SLC24A2: variants seen among roughly 807,000 people sequenced by gnomAD.
SLC24A2 encodes solute carrier family 24 member 2, also known as sodium/potassium/calcium exchanger 2.
A neutral mutation model predicts 62.0 loss-of-function variants in SLC24A2; 36 were observed. The ratio of observed to expected loss-of-function variants is 0.58; its 90% confidence interval spans 0.44 to 0.77. The LOEUF (loss-of-function observed/expected upper bound fraction) is 0.77, where lower values mean the gene tolerates loss of function less well. Ranked by LOEUF, SLC24A2 falls within the 30% of genes least tolerant of loss-of-function variation. The pLI is 0.00. For synonymous variants in SLC24A2, 358 were observed against 294.0 expected (o/e 1.22, Z -2.23); for missense variants, 846 against 817.9 (o/e 1.03, Z -0.42).
At chr9:20,290,434 C>A in the SLC24A2 span, among the ~76,000 whole-genome samples, 2 of 152,270 alleles carry the variant, frequency 1.3e-5, no homozygotes, top group Non-Finnish European at 2.9e-5. Context: ...CCCTCCCTTG[C>A]CCCTCTTCAG....
intron 5 of SLC24A2, among the ~76,000 whole-genome samples, chr9:19,586,224 T>G (rs1325322867): frequency 2.0e-5 from 3 of 152,122 alleles, no homozygotes; most frequent in African/African-American, 7.2e-5. Flanking sequence ...GCCTCAGAAG[T>G]GTTTCACTGA....
At chr9:19,774,089 T>A (rs970867897) in intron 2 of SLC24A2, among the ~76,000 whole-genome samples, 1 of 151,810 alleles carries the variant, frequency 6.6e-6, no homozygotes, top group South Asian at 2.1e-4. Flanking sequence ...GAAATGGCAA[T>A]AGGAAAACAC....
At chr9:19,635,275 C>T (rs143428357) in intron 2 of SLC24A2, among the ~76,000 whole-genome samples, 1 of 152,180 alleles carries the variant, frequency 6.6e-6, no homozygotes, top group Non-Finnish European at 1.5e-5. Flanking sequence ...GGAAAAATGA[C>T]ATGAGAAATA....
the SLC24A2 span, among the ~76,000 whole-genome samples, chr9:20,261,089 C>T: frequency 1.3e-5 from 2 of 151,892 alleles, no homozygotes; most frequent in South Asian, 2.1e-4. Context: ...CTCTTGACCT[C>T]GTGATCTGCC....
the SLC24A2 span, among the ~76,000 whole-genome samples, chr9:20,269,490 G>A: frequency 0.018 from 2,797 of 152,240 alleles, 36 homozygotes; most frequent in East Asian, 0.036. Context: ...GGCAGGTGGG[G>A]TACAGTAAGA....
At chr9:20,000,406 T>A in the SLC24A2 span, among the ~76,000 whole-genome samples, 1 of 152,104 alleles carries the variant, frequency 6.6e-6, no homozygotes, top group Non-Finnish European at 1.5e-5. Flanking sequence ...CATCAGAGGG[T>A]GAAAACATAC....
At chr9:19,996,803 C>T in the SLC24A2 span, among the ~76,000 whole-genome samples, 1 of 151,606 alleles carries the variant, frequency 6.6e-6, no homozygotes, top group Non-Finnish European at 1.5e-5. Flanking sequence ...CCTTCACACC[C>T]TCCATAACGA....
At chr9:20,221,008 A>G in the SLC24A2 span, among the ~76,000 whole-genome samples, 1 of 152,200 alleles carries the variant, frequency 6.6e-6, no homozygotes, top group Admixed American at 6.5e-5. Flanking sequence ...CTTAACCTAC[A>G]GAGTTTACAA....
At chr9:19,879,170 C>T in the SLC24A2 span, among the ~76,000 whole-genome samples, 20 of 152,032 alleles carry the variant, frequency 1.3e-4, no homozygotes, top group Admixed American at 3.9e-4. Flanking sequence ...AGTAATATCC[C>T]CAGAGAGGTC....
At chr9:19,875,580 A>G in the SLC24A2 span, among the ~76,000 whole-genome samples, 1 of 152,218 alleles carries the variant, frequency 6.6e-6, no homozygotes, top group South Asian at 2.1e-4. Flanking sequence ...TTTCTTGGCA[A>G]AGAAACTTGT....
intron 5 of SLC24A2, among the ~76,000 whole-genome samples, chr9:19,585,349 T>C (rs1352794412): frequency 1.3e-5 from 2 of 152,238 alleles, no homozygotes; most frequent in Non-Finnish European, 2.9e-5. Context: ...TTTTTCAGAT[T>C]GGCTTCTGTG....
the SLC24A2 span, among the ~76,000 whole-genome samples, chr9:20,238,423 C>T: frequency 6.6e-6 from 1 of 152,198 alleles, no homozygotes; most frequent in Non-Finnish European, 1.5e-5. Flanking sequence ...CTCTGAGTAG[C>T]TTGTTCTAGC....
At chr9:20,047,401 T>C in the SLC24A2 span, among the ~76,000 whole-genome samples, 1 of 151,548 alleles carries the variant, frequency 6.6e-6, no homozygotes, top group Non-Finnish European at 1.5e-5. Flanking sequence ...AAGGTCAGAG[T>C]CAGGTTAAAT....
At chr9:19,944,044 A>G in the SLC24A2 span, among the ~76,000 whole-genome samples, 37 of 152,332 alleles carry the variant, frequency 2.4e-4, no homozygotes, top group African/African-American at 6.7e-4. Flanking sequence ...CTCACTTATA[A>G]GTGGAAGCTA....
chr9:20,115,825 C>G, the SLC24A2 span, among the ~76,000 whole-genome samples: 1 of 152,120 alleles, frequency 6.6e-6, no homozygotes, highest in African/African-American at 2.4e-5. Flanking sequence ...CTTCTTCATT[C>G]CAAAATTGGC....
chr9:20,301,529 G>A, the SLC24A2 span, among the ~76,000 whole-genome samples: 6 of 150,506 alleles, frequency 4.0e-5, no homozygotes, highest in East Asian at 6.0e-4. Context: ...GACATTGGGG[G>A]AAATGCTCAG....
chr9:20,254,950 C>A, the SLC24A2 span, among the ~76,000 whole-genome samples: 41 of 152,250 alleles, frequency 2.7e-4, 1 homozygote, highest in African/African-American at 9.6e-4. Flanking sequence ...CATGAGATCT[C>A]CTGAAACCTA....
chr9:19,595,206 G>A (rs778902031), intron 5 of SLC24A2, among the ~76,000 whole-genome samples: 1 of 152,146 alleles, frequency 6.6e-6, no homozygotes, highest in Non-Finnish European at 1.5e-5. Flanking sequence ...GAGAAGTCAC[G>A]TGATAAAGAG....
intron 10 of SLC24A2, among the ~76,000 whole-genome samples, chr9:19,518,161 A>G (rs1315281919): frequency 6.6e-6 from 1 of 152,218 alleles, no homozygotes; most frequent in African/African-American, 2.4e-5. Flanking sequence ...AAAGCTGAGT[A>G]TCTCTAATAA....
Sources: gnomAD v4.1 joint callset for allele counts (sites outside exome capture counted in the v4.1 genomes callset) on GRCh38, gnomAD v4.1.1 for gene constraint, MANE v1.5 for transcripts, NCBI Gene and HGNC (gene_info 2026-07-23, HGNC 2026-07-21) for gene names.